INPP4B: variants seen among roughly 807,000 people sequenced by gnomAD.
The protein encoded by INPP4B is inositol polyphosphate 4-phosphatase type II.
In INPP4B, 55 loss-of-function variants were observed where a neutral mutation model predicts 122.5. The observed-to-expected ratio is 0.45, with a 90% confidence interval of 0.36 to 0.56. The LOEUF (loss-of-function observed/expected upper bound fraction) is 0.56, where lower values mean the gene tolerates loss of function less well. Ranked by LOEUF, INPP4B falls within the 20% of genes least tolerant of loss-of-function variation. The pLI is 0.00. For synonymous variants in INPP4B, 403 were observed against 388.7 expected, an observed-to-expected ratio of 1.04 and a Z score of -0.43; for missense variants, 1,000 against 1,097.7, an observed-to-expected ratio of 0.91 and a Z score of 1.26.
intron 2 of INPP4B, among the ~76,000 whole-genome samples, chr4:142,561,805 A>G (rs1033463669): frequency 6.6e-6 from 1 of 152,194 alleles, no homozygotes; most frequent in South Asian, 2.1e-4. Flanking sequence ...ATCGAATTCA[A>G]TATTTTTTTT....
chr4:142,448,967 C>G (rs890793396), intron 3 of INPP4B, among the ~76,000 whole-genome samples: 1 of 152,150 alleles, frequency 6.6e-6, no homozygotes, highest in Non-Finnish European at 1.5e-5. Context: ...AGATAATTCC[C>G]GTCAGGGCAA....
chr4:142,702,903 T>C (rs1465803773), intron 2 of INPP4B, among the ~76,000 whole-genome samples: 1 of 152,230 alleles, frequency 6.6e-6, no homozygotes, highest in Non-Finnish European at 1.5e-5. Flanking sequence ...GAAGATGTTT[T>C]TATCAACAAG....
At chr4:142,425,827 T>A (rs1807923915) in intron 5 of INPP4B, among the ~76,000 whole-genome samples, 1 of 151,992 alleles carries the variant, frequency 6.6e-6, no homozygotes, top group African/African-American at 2.4e-5. Context: ...ATAATTTAGA[T>A]GAATAAATGA....
Position 142,828,031 on chromosome 4 carries a change from C to G in INPP4B, c.-254+18178G>C, listed in dbSNP as rs76769879. Among the ~76,000 whole-genome samples, 464 of 151,812 alleles carry G rather than the reference C, an allele frequency of 3.1e-3. 9 individuals carry two copies. The highest frequency in any genetic ancestry group is 0.024 in the Admixed American group (366 of 15,222). On this transcript the variant is annotated intron_variant, in intron 1 of 25. Transcript: ENST00000262992. ...AATGATATTGCAAAGGGTGACAAACCAAGAAAAAGGGTGAATAAATGGGAG... is the reference window on the plus strand; with the variant it reads ...AATGATATTGCAAAGGGTGACAAACGAAGAAAAAGGGTGAATAAATGGGAG...
chr4:142,302,901 T>A (rs914668435), intron 9 of INPP4B, among the ~76,000 whole-genome samples: 1 of 152,030 alleles, frequency 6.6e-6, no homozygotes, highest in Non-Finnish European at 1.5e-5. Context: ...AGAACCCAAG[T>A]CCATTTGAGA....
At chr4:142,608,434 C>A (rs114095106) in intron 2 of INPP4B, among the ~76,000 whole-genome samples, 3 of 152,068 alleles carry the variant, frequency 2.0e-5, no homozygotes, top group African/African-American at 7.2e-5. Flanking sequence ...CTGGAATATG[C>A]AGGATTTATG....
chr4:142,557,210 C>T (rs894244385), intron 2 of INPP4B, among the ~76,000 whole-genome samples: 1 of 151,846 alleles, frequency 6.6e-6, no homozygotes, highest in African/African-American at 2.4e-5. Flanking sequence ...ATGGGAAATT[C>T]GGGGAAACAG....
intron 7 of INPP4B, among the ~76,000 whole-genome samples, chr4:142,322,463 T>C (rs1272716970): frequency 2.0e-5 from 3 of 151,758 alleles, no homozygotes; most frequent in African/African-American, 7.3e-5. Context: ...ATGAAAGGAG[T>C]GGCCTGGGTG....
chr4:142,109,887 G>T (rs1789135009), intron 22 of INPP4B, among the ~76,000 whole-genome samples: 1 of 152,088 alleles, frequency 6.6e-6, no homozygotes, highest in Non-Finnish European at 1.5e-5. Context: ...GCTTGGCAGA[G>T]CAGTGCTTGG....
chr4:142,300,937 A>C (rs1046110841), intron 9 of INPP4B, among the ~76,000 whole-genome samples: 5 of 152,146 alleles, frequency 3.3e-5, no homozygotes, highest in Non-Finnish European at 5.9e-5. Flanking sequence ...AATGATATAA[A>C]ATTTATTTAA....
In INPP4B at chr4:142,517,877, C is replaced by T. The variant is rs184388422; in HGVS notation, c.-190-55151G>A. Among the ~76,000 whole-genome samples the T allele has an allele frequency of 4.3e-3, 654 of 152,276 alleles. 3 individuals carry two copies. The highest frequency in any genetic ancestry group is 0.015 in the African/African-American group (639 of 41,552). ...GTACAGATTCATAGCTAAAATTCAG[C>T]AGGTCTGGTATTGATGGATGTATTT... On this transcript the variant is annotated intron_variant, in intron 2 of 25. Transcript: ENST00000262992.
At chr4:142,238,068 A>C in intron 11 of INPP4B, 57 bp from the exon 12 acceptor site, 1 of 815,620 alleles carries the variant, frequency 1.2e-6, no homozygotes, top group South Asian at 2.2e-5. Context: ...TGTCAGGTGA[A>C]GCTCAATTAA....
At position 142,481,668 on chromosome 4, in the gene INPP4B, T is replaced by C. The variant is rs575712947; in HGVS notation, c.-190-18942A>G. ...ATATTGGCATGTGGCTAGGTATAAT[T>C]TGGGATAAAAAATAAAGTAAATGGG... On this transcript the variant is annotated intron_variant, in intron 2 of 25. Coordinates refer to ENST00000262992, the MANE Select transcript of INPP4B (RefSeq NM_001101669.3). Among the ~76,000 whole-genome samples, 10 of 152,186 alleles carry C rather than the reference T, an allele frequency of 6.6e-5. No individual in the cohort carries two copies. In the South Asian group the frequency reaches 2.1e-3, roughly 32 times the overall value.
rs138950563 is a variant in INPP4B at position 142,337,677 on chromosome 4, T to C, written c.373-22915A>G. Among the ~76,000 whole-genome samples the C allele has an allele frequency of 5.3e-3, 760 of 144,032 alleles. 5 individuals are homozygous for C. The highest frequency in any genetic ancestry group is 0.018 in the African/African-American group (710 of 40,070). 94.5% of individuals were successfully genotyped at this position (144,032 alleles called of 152,430 possible). ...ATTTGTAGGCATCCTTTATTCATTA[T>C]ATATATATTATATATATTATTTTAT... On this transcript the variant is annotated intron_variant, in intron 7 of 25. Transcript: ENST00000262992.
chr4:142,294,414 C>A (rs141229399), intron 9 of INPP4B, among the ~76,000 whole-genome samples: 4 of 151,950 alleles, frequency 2.6e-5, no homozygotes, highest in Admixed American at 2.6e-4. Flanking sequence ...GGTGACTAGA[C>A]CTTCTCACTG....
intron 6 of INPP4B, 30 bp downstream of exon 6, chr4:142,405,176 A>AGAGATTAAT (rs1174827737): frequency 8.0e-7 from 1 of 1,257,638 alleles, no homozygotes; most frequent in Non-Finnish European, 1.2e-6. Flanking sequence ...AGAGAGAGAG[A>AGAGATTAAT]GAGATTAATG....
At chr4:142,119,572 C>T (rs1281459290) in intron 21 of INPP4B, among the ~76,000 whole-genome samples, 2 of 115,528 alleles carry the variant, frequency 1.7e-5, no homozygotes, top group Non-Finnish European at 3.6e-5. Flanking sequence ...TGCATGTTTT[C>T]ACTCATAGGT....
chr4:142,188,901 T>C (rs1486574533), intron 15 of INPP4B, among the ~76,000 whole-genome samples: 1 of 152,206 alleles, frequency 6.6e-6, no homozygotes, highest in Non-Finnish European at 1.5e-5. Context: ...AATTAATTAG[T>C]GGTTAATAAT....
At position 142,167,594 on chromosome 4, in the gene INPP4B, G is replaced by T. The variant is rs1823428496; in HGVS notation, c.1359+6038C>A. On this transcript the variant is annotated intron_variant, in intron 16 of 25. Transcript: ENST00000262992. ...GATATTGTTTTCCTAATGAATTTCT[G>T]CTGTGCTTTTGTCTAGTTATTTGAA... is the stretch of plus-strand genomic sequence containing the variant. Among the ~76,000 whole-genome samples, 3 of 151,590 alleles carry T rather than the reference G, an allele frequency of 2.0e-5. No homozygotes were observed. The South Asian group carries it at 6.2e-4, about 31-fold the overall frequency.
Sources: gnomAD v4.1 joint callset for allele counts (sites outside exome capture counted in the v4.1 genomes callset) on GRCh38, gnomAD v4.1.1 for gene constraint, MANE v1.5 for transcripts, NCBI Gene and HGNC (gene_info 2026-07-23, HGNC 2026-07-21) for gene names.